Variants in RAPGEF5 observed in about 807,000 individuals in gnomAD.
The protein encoded by RAPGEF5 is M-Ras-regulated GEF.
A neutral mutation model predicts 125.2 loss-of-function variants in RAPGEF5; 65 were observed. That is an observed-to-expected ratio of 0.52 (90% CI 0.43 to 0.64). The LOEUF (loss-of-function observed/expected upper bound fraction) is 0.64, where lower values mean the gene tolerates loss of function less well. Among genes scored for constraint, RAPGEF5 ranks in the 30% least tolerant of loss-of-function variants. The probability of loss-of-function intolerance (pLI) is 0.00; values close to 1 mark genes in which losing one functional copy is unlikely to be tolerated. For missense variants in RAPGEF5, 958 were observed against 1,048.1 expected (o/e 0.91, Z 1.19); for synonymous variants, 391 against 385.9 (o/e 1.01, Z -0.16).
At chr7:22,122,594 C>G in intron 25 of RAPGEF5, 73 bp from the exon 26 acceptor site, 1 of 1,086,818 alleles carries the variant, frequency 9.2e-7, no homozygotes, top group South Asian at 1.3e-5. Context: ...AACAAAACCC[C>G]ACACTAAGGC....
At chr7:22,257,534 T>C (rs1042151790) in intron 7 of RAPGEF5, among the ~76,000 whole-genome samples, 2 of 152,226 alleles carry the variant, frequency 1.3e-5, no homozygotes, top group African/African-American at 4.8e-5. Context: ...ATTCAGCTTA[T>C]AGTTTGTGCC....
chr7:22,307,488 G>T (rs759077273), intron 5 of RAPGEF5, among the ~76,000 whole-genome samples: 43 of 151,852 alleles, frequency 2.8e-4, no homozygotes, highest in Non-Finnish European at 5.7e-4. Flanking sequence ...TTAAATTAGG[G>T]TCACTGCCTG....
chr7:22,309,948 C>G, intron 4 of RAPGEF5, 21 bp downstream of exon 4: 1 of 1,550,300 alleles, frequency 6.5e-7, no homozygotes, highest in Non-Finnish European at 8.6e-7. Context: ...TGATGCTGTG[C>G]CTTCAAGACA....
chr7:22,209,087 G>A (rs1785455514), intron 9 of RAPGEF5, among the ~76,000 whole-genome samples: 1 of 152,188 alleles, frequency 6.6e-6, no homozygotes, highest in Non-Finnish European at 1.5e-5. Flanking sequence ...ACTGACTTGG[G>A]ATGGAAATGG....
chr7:22,260,510 A>G (rs934356758), intron 7 of RAPGEF5, among the ~76,000 whole-genome samples: 12 of 150,160 alleles, frequency 8.0e-5, no homozygotes, highest in African/African-American at 2.7e-4. Context: ...GAACCATCAC[A>G]CAATGCAGAA....
At chr7:22,355,820 T>C (rs781153656) in intron 1 of RAPGEF5, among the ~76,000 whole-genome samples, 23 of 152,196 alleles carry the variant, frequency 1.5e-4, no homozygotes, top group Non-Finnish European at 3.1e-4. Flanking sequence ...CAAACCCATC[T>C]CTGAAAGAGC....
intron 8 of RAPGEF5, among the ~76,000 whole-genome samples, chr7:22,224,599 T>G (rs1317147901): frequency 1.3e-5 from 2 of 152,148 alleles, no homozygotes; most frequent in African/African-American, 4.8e-5. Flanking sequence ...CATCTTGCTC[T>G]GCTCCCCAGT....
At chr7:22,326,990 T>C (rs1339423692) in intron 1 of RAPGEF5, among the ~76,000 whole-genome samples, 1 of 152,232 alleles carries the variant, frequency 6.6e-6, no homozygotes, top group Non-Finnish European at 1.5e-5. Context: ...TACAGCTTTT[T>C]GTATGTCAAT....
Position 22,121,933 on chromosome 7 carries a change from A to C in RAPGEF5, c.*473T>G, listed in dbSNP as rs1782593235. ...AGAAACCTCTCCTCCCTGGAGATCT[A>C]GAGATGCTGTCTCTGTCATCAGGTG... On this transcript the variant is annotated 3_prime_UTR_variant, in exon 26 of 26. Coordinates refer to ENST00000665637, the MANE Select transcript of RAPGEF5 (RefSeq NM_012294.5). 1 of 158,602 alleles carries C rather than the reference A, an allele frequency of 6.3e-6. No individual in the cohort carries two copies. Among genetic ancestry groups the C allele is most frequent in the African/African-American group, 2.4e-5 (1 of 41,628 alleles). 9.8% of individuals were successfully genotyped at this position (158,602 alleles called of 1,614,324 possible).
chr7:22,236,967 G>C (rs60308095), intron 7 of RAPGEF5, among the ~76,000 whole-genome samples: 1 of 152,116 alleles, frequency 6.6e-6, no homozygotes, highest in African/African-American at 2.4e-5. Context: ...GGCCTCAAAG[G>C]CCAGGCCATT....
At chr7:22,129,770 T>C (rs1782857253) in intron 24 of RAPGEF5, among the ~76,000 whole-genome samples, 3 of 152,180 alleles carry the variant, frequency 2.0e-5, no homozygotes, top group South Asian at 4.1e-4. Context: ...CGTGAAGTGA[T>C]GGTCTTCGGT....
chr7:22,244,958 C>T (rs942641716), intron 7 of RAPGEF5, among the ~76,000 whole-genome samples: 1 of 152,162 alleles, frequency 6.6e-6, no homozygotes. Flanking sequence ...CAAGGATTAT[C>T]TTTTCTTCAT....
intron 8 of RAPGEF5, among the ~76,000 whole-genome samples, chr7:22,224,751 G>T (rs758147381): frequency 4.0e-5 from 6 of 151,878 alleles, no homozygotes; most frequent in Non-Finnish European, 7.4e-5. Flanking sequence ...TGGCTCCAAA[G>T]CAACTCAGCT....
intron 1 of RAPGEF5, among the ~76,000 whole-genome samples, chr7:22,334,771 C>T (rs1783993741): frequency 6.6e-6 from 1 of 152,152 alleles, no homozygotes. Context: ...GTCACTTGCC[C>T]ACAGTCATTC....
At chr7:22,164,604 C>CTTAAATA (rs1784105314) in intron 12 of RAPGEF5, among the ~76,000 whole-genome samples, 6 of 152,118 alleles carry the variant, frequency 3.9e-5, no homozygotes, top group Non-Finnish European at 8.8e-5. Flanking sequence ...TTCCTCCCTG[C>CTTAAATA]AAGATATATA....
chr7:22,169,837 G>A (rs1263935401), intron 11 of RAPGEF5, among the ~76,000 whole-genome samples: 4 of 113,762 alleles, frequency 3.5e-5, no homozygotes, highest in Non-Finnish European at 5.0e-5. Context: ...TCTAGCCTGT[G>A]CAACAGAGCG....
chr7:22,349,444 G>C (rs1230825543), intron 1 of RAPGEF5, among the ~76,000 whole-genome samples: 1 of 145,092 alleles, frequency 6.9e-6, no homozygotes, highest in Middle Eastern at 3.3e-3. Flanking sequence ...AAAAAAAAAG[G>C]GTGACTATAA....
chr7:22,283,743 T>C (rs1782729434), intron 6 of RAPGEF5, among the ~76,000 whole-genome samples: 1 of 152,226 alleles, frequency 6.6e-6, no homozygotes. Context: ...AAAGTGATTT[T>C]CATCTCAGAA....
At chr7:22,282,968 CAT>C (rs1176194117) in intron 6 of RAPGEF5, among the ~76,000 whole-genome samples, 1 of 150,790 alleles carries the variant, frequency 6.6e-6, no homozygotes, top group Admixed American at 6.6e-5. Context: ...GCTCCAAGAA[CAT>C]ATTAAATAAA....
Sources: allele counts gnomAD v4.1 joint callset (sites outside exome capture counted in the v4.1 genomes callset), GRCh38; gene constraint gnomAD v4.1.1; transcripts MANE v1.5; gene names NCBI Gene and HGNC (gene_info 2026-07-23, HGNC 2026-07-21).